KIF2A: variants seen among roughly 807,000 people sequenced by gnomAD.
The protein encoded by KIF2A is kinesin-like protein KIF2A.
KIF2A carries 22 observed loss-of-function variants against 100.2 expected under a neutral mutation model. The observed-to-expected ratio is 0.22, with a 90% CI of 0.16 to 0.31. The LOEUF is 0.31. KIF2A is among the 10% of genes least tolerant of loss of function. KIF2A has a pLI of 1.00. For missense variants in KIF2A, 495 were observed against 898.7 expected, an observed-to-expected ratio of 0.55 and a Z score of 5.74; for synonymous variants, 268 against 285.9, an observed-to-expected ratio of 0.94 and a Z score of 0.63.
At chr5:62,320,942 C>T (rs1208140796) in intron 1 of KIF2A, among the ~76,000 whole-genome samples, 1 of 152,158 alleles carries the variant, frequency 6.6e-6, no homozygotes, top group Admixed American at 6.5e-5. Flanking sequence ...GCATTCCCCT[C>T]TCATTCCGGC....
intron 9 of KIF2A, among the ~76,000 whole-genome samples, chr5:62,360,559 C>T (rs992656132): frequency 1.3e-5 from 2 of 152,058 alleles, no homozygotes; most frequent in Non-Finnish European, 2.9e-5. Flanking sequence ...GTGGCAGGTG[C>T]CTGTAATCCC....
intron 20 of KIF2A, among the ~76,000 whole-genome samples, chr5:62,381,465 A>C (rs1392869795): frequency 6.6e-6 from 1 of 152,250 alleles, no homozygotes; most frequent in Non-Finnish European, 1.5e-5. Flanking sequence ...TATTTTAAGA[A>C]GACAGTCATC....
At chr5:62,358,534 A>G (rs1361543915) in intron 9 of KIF2A, among the ~76,000 whole-genome samples, 1 of 152,212 alleles carries the variant, frequency 6.6e-6, no homozygotes, top group Non-Finnish European at 1.5e-5. Flanking sequence ...TTACACATAT[A>G]TATACATATA....
At chr5:62,351,811 T>A (rs1747867490) in intron 4 of KIF2A, among the ~76,000 whole-genome samples, 2 of 151,216 alleles carry the variant, frequency 1.3e-5, no homozygotes, top group African/African-American at 4.8e-5. Flanking sequence ...GTTTTTACTC[T>A]CTGTATATAT....
At chr5:62,366,635 T>A (rs1741082069) in intron 16 of KIF2A, among the ~76,000 whole-genome samples, 154 bp downstream of exon 16, 2 of 152,168 alleles carry the variant, frequency 1.3e-5, no homozygotes, top group South Asian at 2.1e-4. Context: ...ATCGAGATTA[T>A]CCTGGCTAAC....
chr5:62,356,360 A>C lies in KIF2A; in HGVS notation c.654+1106A>C, dbSNP rs138823804. ...CAAGGGTCTTTGGCTTTGGAGCTATATGGTCTTTGTCACAACTACTGAACT... is the reference window on the plus strand; with the variant it reads ...CAAGGGTCTTTGGCTTTGGAGCTATCTGGTCTTTGTCACAACTACTGAACT... On this transcript the variant is annotated intron_variant, in intron 7 of 20. Coordinates refer to ENST00000407818, the MANE Select transcript of KIF2A (RefSeq NM_001098511.3). Among the ~76,000 whole-genome samples, 232 of 152,322 alleles carry C rather than the reference A, an allele frequency of 1.5e-3. 1 individual carries two copies. The highest frequency in any genetic ancestry group is 5.2e-3 in the African/African-American group (218 of 41,566).
In KIF2A at chr5:62,377,611, C is replaced by T. The variant is rs371820560; in HGVS notation, c.1912-50C>T. 9.9e-6 allele frequency: 10 copies of T among 1,008,374 alleles called. No homozygotes were observed. In the East Asian group the frequency reaches 1.4e-4, roughly 14 times the overall value. The allele number at this position is 1,008,374 out of a possible 1,614,324, so 62.5% of individuals were successfully genotyped here. On this transcript the variant is annotated intron_variant, in intron 18 of 20. Transcript: ENST00000407818. ...AAATTAAAAAAAACTACTTTTATAA[C>T]ATTTAAAATACACACTATATCATAA...
chr5:62,321,286 G>T (rs1746078516), intron 1 of KIF2A, among the ~76,000 whole-genome samples: 2 of 152,178 alleles, frequency 1.3e-5, no homozygotes, highest in Non-Finnish European at 2.9e-5. Context: ...ATACCTAGAA[G>T]TGGAATTGCT....
chr5:62,379,969 A>G (rs1417493064), intron 19 of KIF2A, among the ~76,000 whole-genome samples: 1 of 152,096 alleles, frequency 6.6e-6, no homozygotes, highest in East Asian at 1.9e-4. Flanking sequence ...TCGGCTCACT[A>G]TAACCCCTGC....
Position 62,363,884 on chromosome 5 carries a change from C to T in KIF2A, c.1452C>T (p.Ser484=), listed in dbSNP as rs372239097. The stretch of plus-strand genomic sequence containing the variant: ...TTGAAGGTGCTGAAATTAATAAAAG[C>T]CTTTTAGCACTCAAGGTAAATAAAA... ...TRLEGAEINK[S]LLALKECIRA... The change falls in exon 14 of 21, where the codon AGC becomes AGT. Residue 484 remains serine, a synonymous_variant. Coordinates refer to ENST00000407818, the MANE Select transcript of KIF2A (RefSeq NM_001098511.3). 4 of 1,609,632 alleles carry T rather than the reference C, an allele frequency of 2.5e-6. No individual in the cohort carries two copies. Among genetic ancestry groups the T allele is most frequent in the Non-Finnish European group, 3.4e-6 (4 of 1,177,566 alleles).
At chr5:62,309,374 G>C (rs1338253520) in intron 1 of KIF2A, among the ~76,000 whole-genome samples, 1 of 152,164 alleles carries the variant, frequency 6.6e-6, no homozygotes, top group Non-Finnish European at 1.5e-5. Flanking sequence ...ATGTGCCTCA[G>C]ATGCATGATG....
At position 62,386,234 on chromosome 5, in the gene KIF2A, T is replaced by C. The variant is rs1742018964; in HGVS notation, c.*665T>C. 2 of 152,690 alleles carry C rather than the reference T, an allele frequency of 1.3e-5. No homozygotes were observed. The highest frequency in any genetic ancestry group is 1.3e-4 in the Admixed American group (2 of 15,282). 9.5% of individuals were successfully genotyped at this position (152,690 alleles called of 1,614,324 possible). On this transcript the variant is annotated 3_prime_UTR_variant, in exon 21 of 21. Transcript: ENST00000407818. ...TAAAGTCTGTGACAGTGGATATAGCTGCTGGACCATTCCATCTTATATGTA... is the reference window on the plus strand; with the variant it reads ...TAAAGTCTGTGACAGTGGATATAGCCGCTGGACCATTCCATCTTATATGTA...
chr5:62,361,922 G>A (rs1748433343), intron 11 of KIF2A, among the ~76,000 whole-genome samples: 1 of 151,672 alleles, frequency 6.6e-6, no homozygotes, highest in African/African-American at 2.4e-5. Context: ...AGCTACTCAG[G>A]AGGCTGAGGC....
intron 1 of KIF2A, chr5:62,307,330 G>A (rs973330694): frequency 6.6e-6 from 1 of 152,104 alleles, no homozygotes; most frequent in Non-Finnish European, 1.5e-5. Flanking sequence ...CCTCGGGAGA[G>A]GTAACTGAGA....
At chr5:62,314,769 T>TTTG (rs1554038404) in intron 1 of KIF2A, among the ~76,000 whole-genome samples, 1 of 147,622 alleles carries the variant, frequency 6.8e-6, no homozygotes, top group Middle Eastern at 3.2e-3. Context: ...TTTTTTTTTT[T>TTTG]TTTTTTTTTT....
Position 62,347,156 on chromosome 5 carries a change from T to A in KIF2A, c.91T>A (p.Ser31Thr), listed in dbSNP as rs1747613015. The change falls in exon 2 of 21, where the codon TCT (serine) becomes ACT (threonine). Residue 31 changes from serine to threonine, a missense_variant. Ser to Thr is a moderately conservative substitution (Grantham distance 58). Transcript: ENST00000407818. ...DGRIHQAMVT[S>T]LNEDNESVTV... is the part of the protein sequence containing the mutation. ...CCGAATACATCAAGCAATGGTAACA[T>A]CTTTAAATGAAGATAATGAAAGTGT... 1.2e-6 allele frequency: 2 copies of A among 1,603,626 alleles called. No homozygotes were observed. Among genetic ancestry groups the A allele is most frequent in the African/African-American group, 1.3e-5 (1 of 74,756 alleles).
At chr5:62,355,837 C>T (rs1275933894) in intron 7 of KIF2A, among the ~76,000 whole-genome samples, 4 of 147,110 alleles carry the variant, frequency 2.7e-5, no homozygotes, top group Non-Finnish European at 6.0e-5. Flanking sequence ...CTTGCTCCAT[C>T]GCCCAGGCTA....
intron 19 of KIF2A, among the ~76,000 whole-genome samples, chr5:62,380,519 A>G (rs1272800392): frequency 1.3e-5 from 2 of 152,194 alleles, no homozygotes; most frequent in African/African-American, 2.4e-5. Context: ...CAGGGGGTTA[A>G]GGATGCTGAC....
At position 62,389,986 on chromosome 5, in the gene KIF2A, AG is replaced by A. The variant is rs1414981959; in HGVS notation, c.*4419del. Reference sequence around the variant, plus strand: ...TATTTATGAATAGTATTCAATGCCTAGGATTAACATCTAAAATGACTCAGTA... The same window carrying A: ...TATTTATGAATAGTATTCAATGCCTAGATTAACATCTAAAATGACTCAGTA... On this transcript the variant is annotated 3_prime_UTR_variant, in exon 21 of 21. Transcript: ENST00000407818. Among the ~76,000 whole-genome samples the A allele has an allele frequency of 6.6e-6, 1 of 152,252 alleles. No homozygotes were observed. The highest frequency in any genetic ancestry group is 1.5e-5 in the Non-Finnish European group (1 of 68,042).
Sources: allele counts gnomAD v4.1 joint callset (sites outside exome capture counted in the v4.1 genomes callset), GRCh38; gene constraint gnomAD v4.1.1; transcripts MANE v1.5; gene names NCBI Gene and HGNC (gene_info 2026-07-23, HGNC 2026-07-21).